The following HLA-DPA1 variants were observed in gnomAD, a reference collection of about 807,000 sequenced individuals.
HLA-DPA1 encodes the protein major histocompatibility complex, class II, DP alpha 1.
HLA-DPA1 carries 20 observed loss-of-function variants against 21.5 expected under a neutral mutation model. That is an observed-to-expected ratio of 0.93 (90% CI 0.66 to 1.35). HLA-DPA1 has a LOEUF of 1.35. Among genes scored for constraint, HLA-DPA1 ranks in the 40% most tolerant of loss-of-function variants. The pLI is 0.00. For synonymous variants in HLA-DPA1, 123 were observed against 129.6 expected, an observed-to-expected ratio of 0.95 and a Z score of 0.35; for missense variants, 279 against 323.0, an observed-to-expected ratio of 0.86 and a Z score of 1.05.
upstream of HLA-DPA1, chr6:33,080,742 C>T (rs1157788389): frequency 6.2e-7 from 1 of 1,613,424 alleles, no homozygotes; most frequent in East Asian, 2.2e-5. The surrounding 1 kb of genome is among the most constrained non-coding windows in gnomAD (Gnocchi z 4.3). Context: ...TGGAGAGATA[C>T]ATCTACAACC....
chr6:33,070,832 C>T lies in HLA-DPA1; in HGVS notation c.101-946G>A, dbSNP rs117409487. ...TACTAAGCATTCTAAACTTTTCTTA[C>T]ATTTATATTTTGATTTTTGTTTTAG... On this transcript the variant is annotated intron_variant, in intron 2 of 5. Transcript: ENST00000419277. Among the ~76,000 whole-genome samples, 541 of 152,222 alleles carry T rather than the reference C, an allele frequency of 3.6e-3. 3 individuals carry two copies. Among genetic ancestry groups the T allele is most frequent in the East Asian group, 0.026 (133 of 5,188 alleles).
At chr6:33,070,801 C>T (rs184149557) in intron 2 of HLA-DPA1, among the ~76,000 whole-genome samples, 128 of 152,202 alleles carry the variant, frequency 8.4e-4, no homozygotes, top group African/African-American at 2.8e-3. Context: ...TATTTCATCA[C>T]ACAGGTACTA....
At chr6:33,069,074 G>C in exon 4 of HLA-DPA1, 1 of 1,613,048 alleles carries the variant, frequency 6.2e-7, no homozygotes, top group Non-Finnish European at 8.5e-7. Context: ...TGCAGTCATA[G>C]AAGTCCTCTG....
chr6:33,069,224 G>T (rs1481005282), exon 4 of HLA-DPA1: 1 of 1,612,942 alleles, frequency 6.2e-7, no homozygotes, highest in Admixed American at 1.7e-5. Flanking sequence ...GGAAGAACTT[G>T]TCAATGTGGC....
intron 2 of HLA-DPA1, among the ~76,000 whole-genome samples, chr6:33,071,180 TG>T (rs1403285443): frequency 1.1e-4 from 16 of 151,132 alleles, no homozygotes; most frequent in Non-Finnish European, 1.9e-4. Flanking sequence ...CCACTGTAAT[TG>T]TAAGTGTCTA....
At chr6:33,068,519 G>T in intron 5 of HLA-DPA1, 119 bp downstream of exon 4, 1 of 760,122 alleles carries the variant, frequency 1.3e-6, no homozygotes. Flanking sequence ...CGGTGTTGTT[G>T]TTGTTATGTG....
rs139072161 is a variant in HLA-DPA1 at position 33,076,122 on chromosome 6, C to T, written c.-99-2453G>A. 1,408 of 1,610,564 alleles carry T rather than the reference C, an allele frequency of 8.7e-4. 16 individuals carry two copies. The African/African-American group carries it at 0.017, about 20-fold the overall frequency. ...TGATGGTGCTGCTCACATCTGTGGT[C>T]CAGGGCAGGGCCACTCCAGGTAAGA... is the stretch of plus-strand genomic sequence containing the variant. On this transcript the variant is annotated intron_variant, in intron 1 of 5. Coordinates refer to ENST00000419277, the Ensembl canonical transcript of HLA-DPA1.
At position 33,069,926 on chromosome 6, in the gene HLA-DPA1, G is replaced by A. The variant is rs145335100; in HGVS notation, c.101-40C>T. 2,017 of 1,578,998 alleles carry A rather than the reference G, an allele frequency of 1.3e-3. 33 individuals carry two copies. In the East Asian group the frequency reaches 0.014, roughly 11 times the overall value. On this transcript the variant is annotated intron_variant, in intron 2 of 5. Transcript: ENST00000419277. Reference sequence around the variant, plus strand: ...TAGAGAAAAACACGACAAAATGTCAGTTTGAATATGCAAGTGGTCAAAGCT... The same window carrying A: ...TAGAGAAAAACACGACAAAATGTCAATTTGAATATGCAAGTGGTCAAAGCT...
At chr6:33,076,150 C>A in intron 1 of HLA-DPA1, 2 of 1,577,906 alleles carry the variant, frequency 1.3e-6, no homozygotes, top group Non-Finnish European at 8.7e-7. Context: ...AGGTAAGAGC[C>A]GAACTGCCAT....
At chr6:33,066,232 C>T (rs529313341) in intron 5 of HLA-DPA1, 2 of 152,168 alleles carry the variant, frequency 1.3e-5, no homozygotes, top group Non-Finnish European at 2.9e-5. Context: ...AATCAAAATA[C>T]TAGGACACTG....
At chr6:33,069,241 G>A (rs375332822) in exon 4 of HLA-DPA1, 1 of 1,612,998 alleles carries the variant, frequency 6.2e-7, no homozygotes, top group Non-Finnish European at 8.5e-7. Flanking sequence ...TGGCAGATGA[G>A]GGTGTTGGGC....
chr6:33,068,678 T>C (rs1562122269), exon 5 of HLA-DPA1: 2 of 1,612,774 alleles, frequency 1.2e-6, no homozygotes, highest in Admixed American at 1.7e-5. Flanking sequence ...CCGGGGGTCA[T>C]GGCCAGAACG....
intron 2 of HLA-DPA1, among the ~76,000 whole-genome samples, chr6:33,070,712 C>T (rs999405994): frequency 1.3e-5 from 2 of 152,032 alleles, no homozygotes; most frequent in African/African-American, 4.8e-5. Context: ...AATATTTCAA[C>T]ATTTATTTTA....
exon 6 of HLA-DPA1, chr6:33,064,673 C>T (rs891712634): frequency 1.3e-5 from 2 of 152,290 alleles, no homozygotes; most frequent in African/African-American, 4.8e-5. Flanking sequence ...GAAGGAAGCT[C>T]AGGGGCTGTG....
chr6:33,069,167 A>G, exon 4 of HLA-DPA1: 2 of 1,613,062 alleles, frequency 1.2e-6, no homozygotes, highest in Non-Finnish European at 1.7e-6. Context: ...CGACACCCTC[A>G]GTGACCAGCT....
Position 33,073,673 on chromosome 6 carries a change from G to C in HLA-DPA1, c.-99-4C>G, listed in dbSNP as rs117211621. 1,556 of 752,186 alleles carry C rather than the reference G, an allele frequency of 2.1e-3. 16 individuals carry two copies. Among genetic ancestry groups the C allele is most frequent in the East Asian group, 0.012 (485 of 39,992 alleles). 46.6% of individuals were successfully genotyped at this position (752,186 alleles called of 1,614,324 possible). A position where few individuals can be genotyped will look rare whatever the true frequency, so the allele number is the denominator to read the frequency against. On this transcript the variant is annotated splice_polypyrimidine_tract_variant and splice_region_variant and intron_variant, in intron 1 of 5. Transcript: ENST00000419277. The stretch of plus-strand genomic sequence containing the variant: ...CTGAAACTGTGGGCCTCTAGCACTG[G>C]AAATGGGTGGAGAGGAATCAGCATG...
intron 5 of HLA-DPA1, chr6:33,068,408 T>A: frequency 2.2e-6 from 1 of 451,522 alleles, no homozygotes; most frequent in Non-Finnish European, 3.9e-6. Flanking sequence ...ATAGTGAAAA[T>A]AATAGTACCT....
In HLA-DPA1 at chr6:33,069,307, G is replaced by C; in HGVS notation, c.347-7C>G. 6.2e-7 allele frequency: 1 copy of C among 1,610,028 alleles called. No individual in the cohort carries two copies. Among genetic ancestry groups the C allele is most frequent in the Non-Finnish European group, 8.5e-7 (1 of 1,178,314 alleles). ...ACGGTCACCTCAGGGGGATCTGGAA[G>C]GAGACAGCACCAGGTTAGGCCCCTC... On this transcript the variant is annotated splice_region_variant and splice_polypyrimidine_tract_variant and intron_variant, in intron 3 of 5. Transcript: ENST00000419277.
chr6:33,065,458 G>C (rs34742617), intron 5 of HLA-DPA1, 111 bp from the exon 5 acceptor site: 44,032 of 152,150 alleles, frequency 0.29, 8,449 homozygotes, highest in East Asian at 0.69. Context: ...CCCTGTTCAG[G>C]TCCCAGGGAG....
Sources: gnomAD v4.1 joint callset for allele counts (sites outside exome capture counted in the v4.1 genomes callset) on GRCh38, gnomAD v4.1.1 for gene constraint, Gnocchi (gnomAD v3.1) non-coding constraint, MANE v1.5 for transcripts, NCBI Gene and HGNC (gene_info 2026-07-23, HGNC 2026-07-21) for gene names.